Variants in HAUS7 observed in about 807,000 individuals in gnomAD.
HAUS7 encodes the protein HAUS augmin-like complex subunit 7.
In HAUS7, 3 loss-of-function variants were observed where a neutral mutation model predicts 28.4. The ratio of observed to expected loss-of-function variants is 0.11; its 90% CI spans 0.05 to 0.27. HAUS7 has a LOEUF of 0.27. Ranked by LOEUF, HAUS7 falls within the 10% of genes least tolerant of loss-of-function variation. HAUS7 has a pLI of 1.00. For missense variants in HAUS7, 284 were observed against 297.3 expected (o/e 0.96, Z 0.33); for synonymous variants, 165 against 132.1 (o/e 1.25, Z -1.71).
chrX:153,450,024 T>G (rs1436499705), intron 9 of HAUS7, among the ~76,000 whole-genome samples: 1 of 111,932 alleles, frequency 8.9e-6, no homozygotes, highest in East Asian at 2.8e-4. Context: ...AGGGCTTCCT[T>G]CTCTCCTGCA....
Position 153,470,525 on chromosome X carries a change from G to C in HAUS7, c.33C>G (p.Gly11=). The C allele has an allele frequency of 5.0e-6, 6 of 1,197,491 alleles. No homozygotes were observed. Among genetic ancestry groups the C allele is most frequent in the Non-Finnish European group, 6.8e-6 (6 of 888,484 alleles). Reference sequence around the variant, plus strand: ...CCTCGTCCTCTGAGTAGTCGTCGCCGCCACGGCCGCAGCCAGCGTCCTGCC... The same window carrying C: ...CCTCGTCCTCTGAGTAGTCGTCGCCCCCACGGCCGCAGCCAGCGTCCTGCC... MAGQDAGCGR[G]GDDYSEDEGD... The change falls in exon 1 of 10, where the codon GGC becomes GGG. Residue 11 remains glycine, a synonymous_variant. Coordinates refer to ENST00000370211, the MANE Select transcript of HAUS7 (RefSeq NM_001385482.1).
Position 153,456,567 on chromosome X carries a change from G to C in HAUS7, c.531C>G (p.Leu177=). ...ELFSSPHLQM[L]LNPECDPWPL... is the part of the protein sequence containing the mutation. Reference sequence around the variant, plus strand: ...GCCACGGGTCGCACTCTGGATTCAGGAGCATCTGCAGGTGGGGGCTAGAGA... The same window carrying C: ...GCCACGGGTCGCACTCTGGATTCAGCAGCATCTGCAGGTGGGGGCTAGAGA... The change falls in exon 6 of 10, where the codon CTC becomes CTG. Residue 177 remains leucine, a synonymous_variant. Coordinates refer to ENST00000370211, the MANE Select transcript of HAUS7 (RefSeq NM_001385482.1). 8.5e-7 allele frequency: 1 copy of C among 1,177,637 alleles called. No homozygotes were observed. The highest frequency in any genetic ancestry group is 1.9e-5 in the South Asian group (1 of 53,095).
chrX:153,457,890 G>A (rs1397709296), intron 4 of HAUS7, among the ~76,000 whole-genome samples: 1 of 113,352 alleles, frequency 8.8e-6, no homozygotes, highest in Non-Finnish European at 1.9e-5. Flanking sequence ...GAGAGGCTAC[G>A]CCTGCTCCAG....
intron 1 of HAUS7, among the ~76,000 whole-genome samples, chrX:153,491,388 T>C (rs1823224087): frequency 8.9e-6 from 1 of 112,677 alleles, no homozygotes; most frequent in South Asian, 3.6e-4. Flanking sequence ...CACAAACAGC[T>C]GCAAGCCAGC....
At chrX:153,468,779 C>T (rs1357512495) in intron 2 of HAUS7, among the ~76,000 whole-genome samples, 1 of 112,718 alleles carries the variant, frequency 8.9e-6, no homozygotes, top group Non-Finnish European at 1.9e-5. Context: ...TTCATGCCTC[C>T]AGCCTGACCC....
At chrX:153,464,895 C>T in intron 3 of HAUS7, 93 bp downstream of exon 3, 1 of 611,897 alleles carries the variant, frequency 1.6e-6, no homozygotes, top group East Asian at 3.3e-5. Flanking sequence ...CAACATGCAC[C>T]ACCTAAAAGA....
At chrX:153,455,511 C>A in intron 8 of HAUS7, 31 bp downstream of exon 8, 2 of 929,994 alleles carry the variant, frequency 2.2e-6, no homozygotes, top group South Asian at 4.0e-5. Flanking sequence ...GGGGAGGGGG[C>A]GGTTAGAGGG....
At chrX:153,494,885 C>T (rs1317050884) in intron 1 of HAUS7, 2 of 98,732 alleles carry the variant, frequency 2.0e-5, no homozygotes, top group African/African-American at 3.7e-5. Context: ...CCAGCCCCCT[C>T]CCTCCTTTCC....
intron 1 of HAUS7, among the ~76,000 whole-genome samples, chrX:153,484,475 C>G (rs1556988039): frequency 9.1e-6 from 1 of 109,894 alleles, no homozygotes; most frequent in Non-Finnish European, 1.9e-5. Flanking sequence ...GCTAGGGAGT[C>G]AGGACACGGT....
At chrX:153,475,689 C>T (rs1383517606) in intron 1 of HAUS7, among the ~76,000 whole-genome samples, 2 of 112,671 alleles carry the variant, frequency 1.8e-5, no homozygotes, top group African/African-American at 3.2e-5. Flanking sequence ...ACACTGCTGT[C>T]GTTTTCACTC....
chrX:153,466,437 G>A (rs1259834450), intron 2 of HAUS7, among the ~76,000 whole-genome samples: 3 of 112,353 alleles, frequency 2.7e-5, no homozygotes, highest in Non-Finnish European at 5.6e-5. Flanking sequence ...GAGGCCCCAA[G>A]GAAAGCCACA....
chrX:153,452,256 G>A (rs1233532534), intron 9 of HAUS7, among the ~76,000 whole-genome samples: 4 of 112,107 alleles, frequency 3.6e-5, no homozygotes, highest in African/African-American at 1.3e-4. Context: ...TTCCCTACAG[G>A]AAATACTAAG....
Position 153,447,899 on chromosome X carries a change from C to T in HAUS7, c.1056G>A (p.Met352Ile), listed in dbSNP as rs1308114399. 36 of 1,199,735 alleles carry T rather than the reference C, an allele frequency of 3.0e-5. No homozygotes were observed. The highest frequency in any genetic ancestry group is 4.0e-5 in the Non-Finnish European group (35 of 885,240). ...SSSVMSLATK[M>I]NELMEK is the part of the protein sequence containing the mutation. ...CTTTCTATTTCTCCATTAGTTCATT[C>T]ATCTTGGTAGCTGCAGAGGAAAGAA... The change falls in exon 10 of 10, where the codon ATG becomes ATA. Residue 352 changes from methionine (M) to isoleucine (I), a missense_variant. Transcript: ENST00000370211.
chrX:153,474,138 G>A (rs1259040203), upstream of HAUS7, among the ~76,000 whole-genome samples: 3 of 112,611 alleles, frequency 2.7e-5, no homozygotes, highest in African/African-American at 9.7e-5. Flanking sequence ...GGAGCTGCCT[G>A]AAGACTCAAC....
rs1220137970 is a variant in HAUS7 at position 153,454,278 on chromosome X, G to A, written c.1045+116C>T. The A allele has an allele frequency of 7.1e-5, 33 of 463,780 alleles. No homozygotes were observed. The Admixed American group carries it at 1.0e-3, about 15-fold the overall frequency. The allele number at this position is 463,780 out of a possible 1,213,427, so 38.2% of individuals were successfully genotyped here. On this transcript the variant is annotated intron_variant, in intron 9 of 9. Transcript: ENST00000370211. ...TGAAGGAAAACATGCATTAGAAAAT[G>A]AAAAACAAAAGAAGGGGCCGGTCCC...
chrX:153,465,564 C>G (rs1331648355), intron 2 of HAUS7, among the ~76,000 whole-genome samples: 2 of 112,510 alleles, frequency 1.8e-5, no homozygotes, highest in Admixed American at 9.4e-5. Context: ...CCTGCCGCAA[C>G]AGAGTCTGTG....
chrX:153,470,537 G>A lies in HAUS7; in HGVS notation c.21C>T (p.Gly7=). The A allele has an allele frequency of 2.5e-6, 3 of 1,194,174 alleles. No homozygotes were observed. Among genetic ancestry groups the A allele is most frequent in the Non-Finnish European group, 3.4e-6 (3 of 887,117 alleles). The change falls in exon 1 of 10, where the codon GGC becomes GGT. Residue 7 remains glycine (G), a synonymous_variant. Coordinates refer to ENST00000370211, the MANE Select transcript of HAUS7 (RefSeq NM_001385482.1). ...AGTAGTCGTCGCCGCCACGGCCGCA[G>A]CCAGCGTCCTGCCCCGCCATGTTTC... The part of the protein sequence containing the change: MAGQDA[G]CGRGGDDYSE...
chrX:153,475,075 T>C (rs952568280), upstream of HAUS7, among the ~76,000 whole-genome samples: 16 of 112,506 alleles, frequency 1.4e-4, no homozygotes, highest in African/African-American at 4.5e-4. Context: ...GAGCTCCAGC[T>C]TCTGCCCAAC....
chrX:153,486,020 C>T (rs1556988465), intron 1 of HAUS7: 15 of 976,701 alleles, frequency 1.5e-5, no homozygotes, highest in Non-Finnish European at 2.0e-5. Context: ...GGATCATAAC[C>T]AGGTGCAGGC....
Sources: gnomAD v4.1 joint callset for allele counts (sites outside exome capture counted in the v4.1 genomes callset) on GRCh38, gnomAD v4.1.1 for gene constraint, MANE v1.5 for transcripts, NCBI Gene and HGNC (gene_info 2026-07-23, HGNC 2026-07-21) for gene names.